The following USP43 variants were observed in gnomAD, a reference collection of about 807,000 sequenced individuals.
USP43 encodes ubiquitin specific peptidase 43.
In USP43, 33 loss-of-function variants were observed where a neutral mutation model predicts 90.7. That is an observed-to-expected ratio of 0.36 (90% CI 0.28 to 0.49). USP43 has a LOEUF of 0.49. USP43 is among the 20% of genes least tolerant of loss of function. The pLI, the probability that USP43 is intolerant of heterozygous loss-of-function variation, is 0.98. For synonymous variants in USP43, 598 were observed against 615.8 expected (o/e 0.97, Z 0.43); for missense variants, 1,274 against 1,476.4 (o/e 0.86, Z 2.25).
chr17:9,660,799 C>T (rs907327940), intron 2 of USP43, among the ~76,000 whole-genome samples: 20 of 152,178 alleles, frequency 1.3e-4, no homozygotes, highest in African/African-American at 3.6e-4. Context: ...AGGAGCTTAC[C>T]CCACCCTTGG....
intron 4 of USP43, among the ~76,000 whole-genome samples, chr17:9,676,199 G>A (rs1293686424): frequency 6.6e-6 from 1 of 152,176 alleles, no homozygotes; most frequent in Non-Finnish European, 1.5e-5. Context: ...AGAGCCTTGA[G>A]ATCGGACATC....
chr17:9,666,941 T>C lies in USP43; in HGVS notation c.740+190T>C, dbSNP rs183742378. On this transcript the variant is annotated intron_variant, in intron 3 of 14. Transcript: ENST00000285199. ...TGTCTCTGACCTTTGGTATTTCTTC[T>C]TTTCCTTCTTCTTGGCTTCTGAGCT... Among the ~76,000 whole-genome samples, 457 of 152,272 alleles carry C rather than the reference T, an allele frequency of 3.0e-3. 1 individual carries two copies. Among genetic ancestry groups the C allele is most frequent in the South Asian group, 7.3e-3 (35 of 4,816 alleles).
chr17:9,701,430 C>T lies in USP43; in HGVS notation c.1741C>T (p.Leu581=). The T allele has an allele frequency of 6.2e-7, 1 of 1,601,734 alleles. No individual in the cohort carries two copies. Among genetic ancestry groups the T allele is most frequent in the Non-Finnish European group, 8.5e-7 (1 of 1,174,482 alleles). The stretch of plus-strand genomic sequence containing the variant: ...GATGGTGAAGCTGAGTTTGTGGACG[C>T]TGCCTGACATCCTCATCATCCACCT... ...QGMVKLSLWT[L]PDILIIHLKR... The change falls in exon 12 of 15, where the codon CTG becomes TTG. Residue 581 remains leucine, a synonymous_variant. Coordinates refer to ENST00000285199, the MANE Select transcript of USP43 (RefSeq NM_153210.5). The surrounding 1 kb of genome is among the most constrained non-coding windows in gnomAD (Gnocchi z 7.2).
intron 3 of USP43, among the ~76,000 whole-genome samples, chr17:9,668,053 A>G (rs185093877): frequency 1.3e-5 from 2 of 152,192 alleles, no homozygotes; most frequent in East Asian, 3.9e-4. Flanking sequence ...TTGTTCATTC[A>G]CTGTGATTCT....
rs535456046 is a variant in USP43 at position 9,720,846 on chromosome 17, G to A, written c.2336-7108G>A. 9.1e-4 allele frequency among the ~76,000 whole-genome samples: 138 copies of A among 152,250 alleles called. 2 individuals carry two copies. In the South Asian group the frequency reaches 0.024, roughly 27 times the overall value. Reference sequence around the variant, plus strand: ...ACTACTGGCATTTATTCCCCGGGTGGGGCGCAAGGATGCTAAGTGTCCTGC... The same window carrying A: ...ACTACTGGCATTTATTCCCCGGGTGAGGCGCAAGGATGCTAAGTGTCCTGC... On this transcript the variant is annotated intron_variant, in intron 14 of 14. Transcript: ENST00000285199.
chr17:9,710,500 CTTTTT>C (rs753636549), intron 13 of USP43, among the ~76,000 whole-genome samples: 82 of 86,036 alleles, frequency 9.5e-4, no homozygotes, highest in African/African-American at 4.2e-3. Flanking sequence ...GGAAAGGTAG[CTTTTT>C]TTTTTTTTTT....
intron 2 of USP43, among the ~76,000 whole-genome samples, chr17:9,658,632 G>C (rs1201438402): frequency 2.0e-5 from 3 of 152,196 alleles, no homozygotes; most frequent in Admixed American, 6.5e-5. Context: ...TTTGAGATTA[G>C]GGGTGATTTC....
At chr17:9,689,732 T>C (rs1223898051) in intron 8 of USP43, among the ~76,000 whole-genome samples, 2 of 151,988 alleles carry the variant, frequency 1.3e-5, no homozygotes, top group African/African-American at 4.8e-5. Context: ...ACTTTTATGG[T>C]ATTTTGTAAA....
Position 9,728,470 on chromosome 17 carries a change from AG to A in USP43, c.2854del (p.Ala952ProfsTer2). ...AAACCAGCTCGACCGGAGGGCCAGA[AG>A]GCCATGAACTGGAAGGAGAGCTTCC... ...HEKPARPEGQ[K>X]AMNWKESFQM... On this transcript the variant is annotated frameshift_variant, in exon 15 of 15. Coordinates refer to ENST00000285199, the MANE Select transcript of USP43 (RefSeq NM_153210.5). LOFTEE classifies it low-confidence loss of function (END_TRUNC). The surrounding 1 kb of genome is among the most constrained non-coding windows in gnomAD (Gnocchi z 6.2). 1 of 1,613,650 alleles carries A rather than the reference AG, an allele frequency of 6.2e-7. No individual in the cohort carries two copies. Among genetic ancestry groups the A allele is most frequent in the Non-Finnish European group, 8.5e-7 (1 of 1,179,736 alleles).
At chr17:9,656,377 C>T in intron 1 of USP43, 26 bp from the exon 2 acceptor site, 1 of 1,605,070 alleles carries the variant, frequency 6.2e-7, no homozygotes, top group Non-Finnish European at 8.5e-7. Flanking sequence ...CCAAATTCAC[C>T]TCTCGATTTC....
chr17:9,687,971 AC>A (rs2151979931), intron 8 of USP43, among the ~76,000 whole-genome samples: 1 of 152,222 alleles, frequency 6.6e-6, no homozygotes, highest in South Asian at 2.1e-4. Context: ...AATGGATGAA[AC>A]TATGCTTTTT....
chr17:9,712,148 G>A lies in USP43; in HGVS notation c.2335+16G>A. 6.5e-7 allele frequency: 1 copy of A among 1,537,106 alleles called. No individual in the cohort carries two copies. ...CAGGAAAAGGGTATGTTGGTTAAAT[G>A]TGCTTGGTTGATTTTCATTTTCTGT... On this transcript the variant is annotated intron_variant, in intron 14 of 14. Transcript: ENST00000285199.
At chr17:9,666,862 C>A in intron 3 of USP43, 111 bp downstream of exon 3, 2 of 786,330 alleles carry the variant, frequency 2.5e-6, no homozygotes, top group Non-Finnish European at 4.3e-6. Flanking sequence ...ACAACAAAAC[C>A]ACAAACACCC....
intron 7 of USP43, among the ~76,000 whole-genome samples, chr17:9,684,022 AGCTACTTGGGAG>A (rs1165580019): frequency 6.6e-6 from 1 of 152,128 alleles, no homozygotes; most frequent in African/African-American, 2.4e-5. Context: ...CTGTAGTTCC[AGCTACTTGGGAG>A]GCTATGGCAG....
chr17:9,684,096 C>T (rs1050761391), intron 7 of USP43, among the ~76,000 whole-genome samples: 1 of 151,848 alleles, frequency 6.6e-6, no homozygotes, highest in African/African-American at 2.4e-5. Flanking sequence ...GAGATTGCAC[C>T]ACTGCACTCC....
At chr17:9,677,630 C>A (rs1049732795) in intron 5 of USP43, among the ~76,000 whole-genome samples, 5 of 152,182 alleles carry the variant, frequency 3.3e-5, no homozygotes, top group Admixed American at 1.3e-4. Context: ...ATGGGAGCGG[C>A]CCTCAGGGTG....
At position 9,689,046 on chromosome 17, in the gene USP43, G is replaced by A. The variant is rs1192191314; in HGVS notation, c.1353+2137G>A. 5.9e-5 allele frequency among the ~76,000 whole-genome samples: 9 copies of A among 152,054 alleles called. No homozygotes were observed. In the East Asian group the frequency reaches 1.2e-3, roughly 20 times the overall value. On this transcript the variant is annotated intron_variant, in intron 8 of 14. Coordinates refer to ENST00000285199, the MANE Select transcript of USP43 (RefSeq NM_153210.5). ...AATGGGGCCAGCAAAATACTAATAC[G>A]GGCAACCTTTGACTCAGCCACAGAT...
chr17:9,662,128 G>A (rs1414586240), intron 2 of USP43, among the ~76,000 whole-genome samples: 2 of 152,166 alleles, frequency 1.3e-5, no homozygotes, highest in Non-Finnish European at 2.9e-5. Context: ...CACGTTCAGA[G>A]TAGGAGCATC....
At position 9,686,928 on chromosome 17, in the gene USP43, T is replaced by A; in HGVS notation, c.1353+19T>A. 8.6e-7 allele frequency: 1 copy of A among 1,161,736 alleles called. No homozygotes were observed. The highest frequency in any genetic ancestry group is 1.2e-6 in the Non-Finnish European group (1 of 849,634). The allele number at this position is 1,161,736 out of a possible 1,614,324, so 72.0% of individuals were successfully genotyped here. Reference sequence around the variant, plus strand: ...TGTACAGGTCAGTGGTGTGCATGCGTGTGTGTGTGTGTGCGTGCATGCGCA... The same window carrying A: ...TGTACAGGTCAGTGGTGTGCATGCGAGTGTGTGTGTGTGCGTGCATGCGCA... On this transcript the variant is annotated intron_variant, in intron 8 of 14. Coordinates refer to ENST00000285199, the MANE Select transcript of USP43 (RefSeq NM_153210.5). The surrounding 1 kb of genome is among the most constrained non-coding windows in gnomAD (Gnocchi z 5.5).
Sources: allele counts gnomAD v4.1 joint callset (sites outside exome capture counted in the v4.1 genomes callset), GRCh38; gene constraint gnomAD v4.1.1; non-coding constraint Gnocchi (gnomAD v3.1); transcripts MANE v1.5; gene names NCBI Gene and HGNC (gene_info 2026-07-23, HGNC 2026-07-21).